The following PTPRD variants were observed in gnomAD, a reference collection of about 807,000 sequenced individuals.
PTPRD encodes protein tyrosine phosphatase receptor type D.
In PTPRD, 34 loss-of-function variants were observed where a neutral mutation model predicts 214.5. That is an observed-to-expected ratio of 0.16 (90% CI 0.12 to 0.21). The LOEUF (loss-of-function observed/expected upper bound fraction) is 0.21. Among genes scored for constraint, PTPRD ranks in the 10% least tolerant of loss-of-function variants. PTPRD has a pLI of 1.00. For missense variants in PTPRD, 2,545 were observed against 2,398.7 expected (o/e 1.06, Z -1.27); for synonymous variants, 1,128 against 845.7 (o/e 1.33, Z -5.79).
intron 11 of PTPRD, among the ~76,000 whole-genome samples, chr9:8,959,012 C>G (rs1054135074): frequency 6.6e-6 from 1 of 152,010 alleles, no homozygotes; most frequent in African/African-American, 2.4e-5. Context: ...GCAACTGAGA[C>G]AGGTCCTCGA....
intron 34 of PTPRD, among the ~76,000 whole-genome samples, chr9:8,439,455 T>C (rs895631577): frequency 3.9e-5 from 6 of 152,178 alleles, no homozygotes; most frequent in Non-Finnish European, 8.8e-5. Context: ...AGGGAGAGAG[T>C]ACTTACTTTT....
intron 11 of PTPRD, among the ~76,000 whole-genome samples, chr9:8,764,214 C>G (rs1489910248): frequency 5.9e-5 from 9 of 152,130 alleles, no homozygotes; most frequent in Admixed American, 5.9e-4. Flanking sequence ...CATGCTTTTT[C>G]TTCTTCCTAC....
In PTPRD at chr9:8,610,488, T is replaced by C. The variant is rs528672666; in HGVS notation, c.352+22829A>G. 6.6e-5 allele frequency among the ~76,000 whole-genome samples: 10 copies of C among 152,242 alleles called. No homozygotes were observed. The South Asian group carries it at 2.1e-3, about 32-fold the overall frequency. On this transcript the variant is annotated intron_variant, in intron 14 of 45. Coordinates refer to ENST00000381196, the MANE Select transcript of PTPRD (RefSeq NM_002839.4). ...CCCAGCCACACCACATGGTCTCCTA[T>C]AGATACCTGAATCCAAACTAAAAAC...
chr9:8,370,963 G>A (rs545959895), intron 39 of PTPRD, among the ~76,000 whole-genome samples: 4 of 152,220 alleles, frequency 2.6e-5, no homozygotes, highest in South Asian at 4.2e-4. Context: ...GCGAAAAGCA[G>A]TAACACATAT....
intron 5 of PTPRD, among the ~76,000 whole-genome samples, chr9:9,771,699 C>A (rs1178556850): frequency 6.6e-6 from 1 of 152,184 alleles, no homozygotes; most frequent in Admixed American, 6.5e-5. Flanking sequence ...TACATCCCTA[C>A]TGATGTGTGA....
intron 14 of PTPRD, among the ~76,000 whole-genome samples, chr9:8,586,278 G>A (rs958213710): frequency 1.3e-5 from 2 of 150,018 alleles, no homozygotes; most frequent in African/African-American, 5.0e-5. Flanking sequence ...CCAGCCTGGT[G>A]ACAGAGCTAG....
chr9:8,367,018 G>A (rs1254596537), intron 39 of PTPRD, among the ~76,000 whole-genome samples: 1 of 152,288 alleles, frequency 6.6e-6, no homozygotes, highest in East Asian at 1.9e-4. Flanking sequence ...GTCCTTGAAA[G>A]TGGATTTATT....
intron 11 of PTPRD, among the ~76,000 whole-genome samples, chr9:8,906,868 C>T (rs1177381063): frequency 2.6e-5 from 4 of 152,008 alleles, no homozygotes; most frequent in African/African-American, 4.8e-5. Flanking sequence ...TACACATCCC[C>T]GGCTGACTGC....
intron 5 of PTPRD, among the ~76,000 whole-genome samples, chr9:9,894,927 C>G (rs957508494): frequency 1.3e-5 from 2 of 151,998 alleles, no homozygotes; most frequent in Middle Eastern, 3.4e-3. Context: ...TTGATTTTAA[C>G]TCTAAGAACA....
chr9:8,623,390 C>T (rs1200732981), intron 14 of PTPRD, among the ~76,000 whole-genome samples: 1 of 151,862 alleles, frequency 6.6e-6, no homozygotes, highest in East Asian at 1.9e-4. Context: ...CCTACAACAG[C>T]CAAATGGTGG....
At chr9:10,248,064 T>C (rs1297187859) in intron 3 of PTPRD, among the ~76,000 whole-genome samples, 2 of 152,166 alleles carry the variant, frequency 1.3e-5, no homozygotes, top group Non-Finnish European at 2.9e-5. Flanking sequence ...CCATGTGAAA[T>C]GTGCCTTTCA....
intron 14 of PTPRD, among the ~76,000 whole-genome samples, chr9:8,617,640 GTTT>G (rs1350429550): frequency 6.6e-6 from 1 of 151,952 alleles, no homozygotes; most frequent in African/African-American, 2.4e-5. Context: ...AAACTACTTT[GTTT>G]TTAAGTCTTA....
In PTPRD at chr9:8,636,701, C is replaced by CAA. The variant is rs2096446973; in HGVS notation, c.206_207dup (p.Glu70LeufsTer3). The CAA allele has an allele frequency of 6.2e-7, 1 of 1,613,878 alleles. No homozygotes were observed. Among genetic ancestry groups the CAA allele is most frequent in the African/African-American group, 1.3e-5 (1 of 74,922 alleles). The stretch of plus-strand genomic sequence containing the variant: ...AAACAGAACAATGGACCTAATACCT[C>CAA]AAATCTCTGATTGCTGACTTTCTTT... On this transcript the variant is annotated frameshift_variant, in exon 13 of 46. Transcript: ENST00000381196. LOFTEE classifies it high-confidence loss of function.
intron 36 of PTPRD, among the ~76,000 whole-genome samples, chr9:8,390,791 A>G (rs2089257051): frequency 6.6e-6 from 1 of 152,180 alleles, no homozygotes; most frequent in South Asian, 2.1e-4. Flanking sequence ...GCTACTCCAT[A>G]AGAGAAAGAA....
At chr9:8,368,676 C>CT (rs199556434) in intron 39 of PTPRD, among the ~76,000 whole-genome samples, 28,565 of 117,118 alleles carry the variant, frequency 0.24, 5,478 homozygotes, top group African/African-American at 0.49. Context: ...CCTTTTAATG[C>CT]TTTTTTTTTT....
intron 9 of PTPRD, among the ~76,000 whole-genome samples, chr9:9,371,786 G>A (rs1458598307): frequency 6.6e-6 from 1 of 152,106 alleles, no homozygotes; most frequent in African/African-American, 2.4e-5. Flanking sequence ...TGCTTTGAAT[G>A]TGTCCCAGAG....
chr9:9,438,459 G>A (rs2086200465), intron 8 of PTPRD, among the ~76,000 whole-genome samples: 1 of 152,160 alleles, frequency 6.6e-6, no homozygotes, highest in Admixed American at 6.5e-5. Flanking sequence ...TATGCATTGT[G>A]TGAAAGTCAT....
intron 3 of PTPRD, among the ~76,000 whole-genome samples, chr9:10,087,111 T>C (rs2098353880): frequency 6.7e-6 from 1 of 148,788 alleles, no homozygotes; most frequent in Non-Finnish European, 1.5e-5. Flanking sequence ...CAAACAATGC[T>C]TGATTTTTCT....
At chr9:8,704,697 G>A (rs1452798088) in intron 12 of PTPRD, among the ~76,000 whole-genome samples, 4 of 151,772 alleles carry the variant, frequency 2.6e-5, no homozygotes, top group Non-Finnish European at 5.9e-5. Flanking sequence ...AAAGAAATGA[G>A]GCGAGCGGAT....
Sources: gnomAD v4.1 joint callset for allele counts (sites outside exome capture counted in the v4.1 genomes callset) on GRCh38, gnomAD v4.1.1 for gene constraint, MANE v1.5 for transcripts, NCBI Gene and HGNC (gene_info 2026-07-23, HGNC 2026-07-21) for gene names.